The following KIF1B variants were observed in gnomAD, a reference collection of about 807,000 sequenced individuals.
The protein encoded by KIF1B is kinesin family member 1B, also known as kinesin-like protein KIF1B.
Under a neutral mutation model 241.9 loss-of-function variants are expected in KIF1B, and 76 were observed. The observed-to-expected ratio is 0.31, with a 90% confidence interval of 0.26 to 0.38. KIF1B has a LOEUF of 0.38. Among genes scored for constraint, KIF1B ranks in the 10% least tolerant of loss-of-function variants. The probability of loss-of-function intolerance (pLI) is 1.00; values close to 1 mark genes in which losing one functional copy is unlikely to be tolerated. For missense variants in KIF1B, 1,622 were observed against 2,271.4 expected (o/e 0.71, Z 5.81); for synonymous variants, 750 against 796.7 (o/e 0.94, Z 0.99).
At chr1:10,341,841 C>T (rs1326738097) in intron 32 of KIF1B, among the ~76,000 whole-genome samples, 2 of 151,628 alleles carry the variant, frequency 1.3e-5, no homozygotes, top group East Asian at 3.9e-4. Flanking sequence ...CATGGTGGTG[C>T]ATGTCTGTAG....
intron 22 of KIF1B, among the ~76,000 whole-genome samples, chr1:10,317,243 T>C (rs1041165890): frequency 2.0e-5 from 3 of 151,566 alleles, no homozygotes; most frequent in Admixed American, 6.6e-5. Flanking sequence ...TTTCTCTCCT[T>C]CTTTCAGTAT....
intron 43 of KIF1B, among the ~76,000 whole-genome samples, chr1:10,367,529 CTTTA>C (rs1638609204): frequency 7.0e-6 from 1 of 143,184 alleles, no homozygotes; most frequent in African/African-American, 2.6e-5. Context: ...TTATTTTTAT[CTTTA>C]TTAAATTTTT....
intron 38 of KIF1B, among the ~76,000 whole-genome samples, chr1:10,356,183 TGGTGA>T (rs1166456087): frequency 6.6e-6 from 1 of 151,828 alleles, no homozygotes; most frequent in Non-Finnish European, 1.5e-5. Flanking sequence ...CTGGCCAAGA[TGGTGA>T]AACCCCATCT....
intron 23 of KIF1B, among the ~76,000 whole-genome samples, chr1:10,320,841 A>T (rs1651494068): frequency 6.6e-6 from 1 of 151,058 alleles, no homozygotes; most frequent in Admixed American, 6.6e-5. Flanking sequence ...AGTTGGGATT[A>T]CAGGGATGCG....
chr1:10,251,042 T>C (rs1258996257), intron 2 of KIF1B, among the ~76,000 whole-genome samples: 2 of 152,002 alleles, frequency 1.3e-5, no homozygotes, highest in African/African-American at 4.8e-5. Context: ...GGCGGGTGCC[T>C]GTAATCCTAG....
rs1323459858 is a variant in KIF1B at position 10,365,950 on chromosome 1, G to T, written c.4752+302G>T. 1.3e-5 allele frequency among the ~76,000 whole-genome samples: 2 copies of T among 152,110 alleles called. No individual in the cohort carries two copies. Among genetic ancestry groups the T allele is most frequent in the Non-Finnish European group, 2.9e-5 (2 of 68,032 alleles). ...TTGTCTCTACAAAAACAAAAATTAG[G>T]CCAGGCATGGTGGCTCACACCTGTA... On this transcript the variant is annotated intron_variant, in intron 43 of 48. Coordinates refer to ENST00000676179, the MANE Select transcript of KIF1B (RefSeq NM_001365951.3). The surrounding 1 kb of genome is among the most constrained non-coding windows in gnomAD (Gnocchi z 4.0).
At chr1:10,238,992 A>G (rs1224644793) in intron 2 of KIF1B, among the ~76,000 whole-genome samples, 1 of 152,034 alleles carries the variant, frequency 6.6e-6, no homozygotes, top group Non-Finnish European at 1.5e-5. Context: ...TCTGTCACCC[A>G]TGCTGGAGTG....
Position 10,303,999 on chromosome 1 carries a change from A to T in KIF1B, c.2115+6753A>T. ...AGAACTTGCAACAGCAGGAGATAAC[A>T]AAGCAGCTTCGTCGGCAGAATGTAC... On this transcript the variant is annotated intron_variant, in intron 22 of 48. Transcript: ENST00000676179. The surrounding 1 kb of genome is among the most constrained non-coding windows in gnomAD (Gnocchi z 5.2). 1 of 1,608,718 alleles carries T rather than the reference A, an allele frequency of 6.2e-7. No individual in the cohort carries two copies. The highest frequency in any genetic ancestry group is 8.5e-7 in the Non-Finnish European group (1 of 1,177,058).
chr1:10,240,721 ATT>A (rs34449939), intron 2 of KIF1B, among the ~76,000 whole-genome samples: 146 of 110,038 alleles, frequency 1.3e-3, no homozygotes, highest in African/African-American at 4.2e-3. Flanking sequence ...TGGGTAGTTC[ATT>A]TTTTTTTTTT....
At chr1:10,304,582 C>G (rs1375904827) in intron 22 of KIF1B, 1 of 1,614,118 alleles carries the variant, frequency 6.2e-7, no homozygotes, top group Non-Finnish European at 8.5e-7. Context: ...GTTTGTGACA[C>G]CTCCGCGGAT....
intron 15 of KIF1B, among the ~76,000 whole-genome samples, chr1:10,283,590 G>A (rs17401190): frequency 0.022 from 3,328 of 152,368 alleles, 54 homozygotes; most frequent in Middle Eastern, 0.048. Context: ...CACCTGCAGT[G>A]CTGAAAGCTG....
At chr1:10,367,779 A>G (rs1316206674) in intron 43 of KIF1B, among the ~76,000 whole-genome samples, 1 of 151,660 alleles carries the variant, frequency 6.6e-6, no homozygotes, top group Non-Finnish European at 1.5e-5. Context: ...GCCAGGCTAG[A>G]GTGCAGTGGT....
chr1:10,340,651 C>G (rs2102320512), intron 32 of KIF1B, among the ~76,000 whole-genome samples: 1 of 152,234 alleles, frequency 6.6e-6, no homozygotes, highest in African/African-American at 2.4e-5. Context: ...TGTGACCAGC[C>G]TGGCCAACAT....
intron 12 of KIF1B, among the ~76,000 whole-genome samples, chr1:10,276,706 A>G (rs1649127636): frequency 6.6e-6 from 1 of 152,170 alleles, no homozygotes; most frequent in Non-Finnish European, 1.5e-5. Flanking sequence ...TTTTTGGGTA[A>G]CTTTTAGGTA....
rs187479355 is a variant in KIF1B, at chr1:10,280,990, C to A, written c.1223-1332C>A. 9.4e-4 allele frequency among the ~76,000 whole-genome samples: 143 copies of A among 152,214 alleles called. No homozygotes were observed. The Middle Eastern group carries it at 0.01, about 11-fold the overall frequency. Reference sequence around the variant, plus strand: ...CCATCCTGGTCTTTTCTCCCAATGGCTAATTTTTTGCTCTAATCCCTATCC... The same window carrying A: ...CCATCCTGGTCTTTTCTCCCAATGGATAATTTTTTGCTCTAATCCCTATCC... On this transcript the variant is annotated intron_variant, in intron 14 of 48. Transcript: ENST00000676179.
At chr1:10,273,442 A>G (rs769351580) in intron 10 of KIF1B, among the ~76,000 whole-genome samples, 9 of 152,188 alleles carry the variant, frequency 5.9e-5, no homozygotes, top group Middle Eastern at 3.4e-3. Flanking sequence ...TAGTGTCCCA[A>G]CTATTCACGG....
chr1:10,225,600 G>A (rs1646899419), intron 1 of KIF1B, among the ~76,000 whole-genome samples: 1 of 152,228 alleles, frequency 6.6e-6, no homozygotes, highest in African/African-American at 2.4e-5. Context: ...TTAGACAGGA[G>A]CAAGTGAGAA....
intron 5 of KIF1B, 74 bp downstream of exon 5, chr1:10,262,044 AT>A: frequency 1.0e-6 from 1 of 984,878 alleles, no homozygotes; most frequent in Non-Finnish European, 1.6e-6. Flanking sequence ...ATGGCTCCAA[AT>A]TATGACTGTG....
Position 10,240,938 on chromosome 1 carries a change from T to C in KIF1B, c.106+8504T>C, listed in dbSNP as rs1323465849. Among the ~76,000 whole-genome samples the C allele has an allele frequency of 3.3e-5, 5 of 152,276 alleles. No homozygotes were observed. The East Asian group carries it at 9.7e-4, about 29-fold the overall frequency. ...ATTGTATTCTATTTATGAACCATACTTCATTTATATTCATCCTCTGTTATC... is the reference window on the plus strand; with the variant it reads ...ATTGTATTCTATTTATGAACCATACCTCATTTATATTCATCCTCTGTTATC... On this transcript the variant is annotated intron_variant, in intron 2 of 48. Coordinates refer to ENST00000676179, the MANE Select transcript of KIF1B (RefSeq NM_001365951.3).
Sources: gnomAD v4.1 joint callset for allele counts (sites outside exome capture counted in the v4.1 genomes callset) on GRCh38, gnomAD v4.1.1 for gene constraint, Gnocchi (gnomAD v3.1) non-coding constraint, MANE v1.5 for transcripts, NCBI Gene and HGNC (gene_info 2026-07-23, HGNC 2026-07-21) for gene names.